Variants in MAF observed in about 807,000 individuals in gnomAD.
MAF encodes the protein transcription factor Maf.
A neutral mutation model predicts 22.0 loss-of-function variants in MAF; 10 were observed. That is an observed-to-expected ratio of 0.45 (90% CI 0.28 to 0.77). The LOEUF (loss-of-function observed/expected upper bound fraction) is 0.77. MAF is among the 30% of genes least tolerant of loss of function. MAF has a pLI of 0.12. For synonymous variants in MAF, 337 were observed against 255.8 expected (o/e 1.32, Z -3.03); for missense variants, 544 against 548.4 (o/e 0.99, Z 0.08).
chr16:79,250,600 G>A, the MAF span, among the ~76,000 whole-genome samples: 5 of 152,184 alleles, frequency 3.3e-5, no homozygotes, highest in African/African-American at 9.7e-5. Flanking sequence ...CTCTACTTCT[G>A]AGCAGGGGGA....
chr16:79,277,733 G>T, the MAF span, among the ~76,000 whole-genome samples: 1 of 152,172 alleles, frequency 6.6e-6, no homozygotes, highest in Non-Finnish European at 1.5e-5. Flanking sequence ...GCTTCTATGT[G>T]TCTGTTTATA....
chr16:79,230,301 G>C, the MAF span, among the ~76,000 whole-genome samples: 1 of 152,226 alleles, frequency 6.6e-6, no homozygotes, highest in South Asian at 2.1e-4. Context: ...GCTTCTGTGG[G>C]TGCCTCCAGC....
chr16:79,381,767 T>G, the MAF span, among the ~76,000 whole-genome samples: 5 of 152,222 alleles, frequency 3.3e-5, no homozygotes, highest in Non-Finnish European at 7.3e-5. Flanking sequence ...TCATTTTGCT[T>G]TGACAAAGAC....
chr16:79,228,022 G>C, the MAF span, among the ~76,000 whole-genome samples: 445 of 152,148 alleles, frequency 2.9e-3, 9 homozygotes, highest in Admixed American at 0.023. Flanking sequence ...TCTCACCTGA[G>C]CCTCCCAAGT....
At chr16:79,456,893 A>T in the MAF span, among the ~76,000 whole-genome samples, 2 of 152,132 alleles carry the variant, frequency 1.3e-5, no homozygotes, top group Non-Finnish European at 2.9e-5. Context: ...GCATAGAAGC[A>T]TTAAATACAT....
chr16:79,461,501 C>T, the MAF span, among the ~76,000 whole-genome samples: 2 of 152,164 alleles, frequency 1.3e-5, no homozygotes, highest in African/African-American at 2.4e-5. Flanking sequence ...GCCTAGGAAG[C>T]CCTCACGCGC....
the MAF span, among the ~76,000 whole-genome samples, chr16:79,487,342 C>G: frequency 6.6e-6 from 1 of 152,040 alleles, no homozygotes; most frequent in Non-Finnish European, 1.5e-5. Flanking sequence ...TGAGGGAGCC[C>G]TCTTGGGTGT....
At chr16:79,359,275 C>A in the MAF span, among the ~76,000 whole-genome samples, 4 of 152,162 alleles carry the variant, frequency 2.6e-5, no homozygotes, top group African/African-American at 9.7e-5. Flanking sequence ...CACATCTTTG[C>A]ACGAGGTCTC....
the MAF span, among the ~76,000 whole-genome samples, chr16:79,516,740 T>C: frequency 6.6e-6 from 1 of 152,206 alleles, no homozygotes; most frequent in Non-Finnish European, 1.5e-5. Flanking sequence ...TCCAAGATCT[T>C]CTCCACTATC....
the MAF span, among the ~76,000 whole-genome samples, chr16:79,306,395 T>G: frequency 7.2e-5 from 11 of 152,098 alleles, no homozygotes; most frequent in Non-Finnish European, 1.5e-4. Context: ...ATGTATGGAG[T>G]GCCTACAATA....
At chr16:79,502,757 A>G in the MAF span, among the ~76,000 whole-genome samples, 1,993 of 135,496 alleles carry the variant, frequency 0.015, 132 homozygotes, top group African/African-American at 0.055. Flanking sequence ...ATATATATAA[A>G]GACTCATTAG....
chr16:79,447,783 C>T, the MAF span, among the ~76,000 whole-genome samples: 1 of 148,872 alleles, frequency 6.7e-6, no homozygotes, highest in African/African-American at 2.5e-5. Context: ...CAAATGGAGC[C>T]TGTGGGAGGC....
chr16:79,534,943 G>C, the MAF span, among the ~76,000 whole-genome samples: 1 of 152,118 alleles, frequency 6.6e-6, no homozygotes, highest in Non-Finnish European at 1.5e-5. Flanking sequence ...TCATTTGTTG[G>C]TGATGATGAT....
the MAF span, among the ~76,000 whole-genome samples, chr16:79,444,768 T>C: frequency 2.0e-5 from 3 of 152,318 alleles, no homozygotes; most frequent in East Asian, 3.9e-4. Flanking sequence ...TGGAAGATTA[T>C]TGCCCGGCCC....
At chr16:79,309,122 G>C in the MAF span, among the ~76,000 whole-genome samples, 1 of 152,186 alleles carries the variant, frequency 6.6e-6, no homozygotes, top group Admixed American at 6.5e-5. Context: ...TGCAAAGTCA[G>C]TGTTCCATCT....
the MAF span, among the ~76,000 whole-genome samples, chr16:79,225,110 G>C: frequency 2.6e-5 from 4 of 152,040 alleles, no homozygotes; most frequent in Non-Finnish European, 5.9e-5. Context: ...TGACTTCAAA[G>C]GATACTACAA....
At chr16:79,225,840 C>T in the MAF span, among the ~76,000 whole-genome samples, 1 of 152,152 alleles carries the variant, frequency 6.6e-6, no homozygotes, top group East Asian at 1.9e-4. Flanking sequence ...TACCATCTCA[C>T]ACCAGTTAGA....
the MAF span, among the ~76,000 whole-genome samples, chr16:79,438,771 A>T: frequency 6.6e-6 from 1 of 152,158 alleles, no homozygotes; most frequent in Non-Finnish European, 1.5e-5. Context: ...GATGCTAATG[A>T]AAAGAAGCGC....
At chr16:79,566,600 C>T in the MAF span, among the ~76,000 whole-genome samples, 15 of 152,220 alleles carry the variant, frequency 9.9e-5, no homozygotes, top group South Asian at 2.1e-4. Flanking sequence ...CTCCTGACCA[C>T]GCCACAAGTG....
Sources: gnomAD v4.1 joint callset for allele counts (sites outside exome capture counted in the v4.1 genomes callset) on GRCh38, gnomAD v4.1.1 for gene constraint, MANE v1.5 for transcripts, NCBI Gene and HGNC (gene_info 2026-07-23, HGNC 2026-07-21) for gene names.